The following SLC44A5 variants were observed in gnomAD, a reference collection of about 807,000 sequenced individuals.
SLC44A5 encodes the protein choline transporter-like protein 5.
In SLC44A5, 57 loss-of-function variants were observed where a neutral mutation model predicts 101.8. The ratio of observed to expected loss-of-function variants is 0.56; its 90% confidence interval spans 0.45 to 0.70. SLC44A5 has a LOEUF of 0.70. SLC44A5 is among the 30% of genes least tolerant of loss of function. The pLI is 0.00. For synonymous variants in SLC44A5, 281 were observed against 290.9 expected, an observed-to-expected ratio of 0.97 and a Z score of 0.35; for missense variants, 737 against 853.1, an observed-to-expected ratio of 0.86 and a Z score of 1.70.
the SLC44A5 span, among the ~76,000 whole-genome samples, chr1:75,701,742 G>A: frequency 6.6e-6 from 1 of 152,106 alleles, no homozygotes; most frequent in African/African-American, 2.4e-5. Flanking sequence ...TGACATGATT[G>A]TATATCTAGA....
intron 2 of SLC44A5, among the ~76,000 whole-genome samples, chr1:75,484,672 C>T (rs903095648): frequency 2.6e-4 from 39 of 152,348 alleles, no homozygotes; most frequent in African/African-American, 7.5e-4. Flanking sequence ...TTGCCCTCCC[C>T]TCTGCATTGC....
At chr1:75,445,510 CAATAT>C (rs1162979711) in intron 2 of SLC44A5, among the ~76,000 whole-genome samples, 8 of 63,990 alleles carry the variant, frequency 1.3e-4, no homozygotes, top group East Asian at 1.1e-3. Context: ...ATTATACACA[CAATAT>C]AATATATGTA....
the SLC44A5 span, among the ~76,000 whole-genome samples, chr1:75,662,443 G>A: frequency 1.3e-5 from 2 of 151,930 alleles, no homozygotes; most frequent in Non-Finnish European, 2.9e-5. Context: ...GGGCTCAATA[G>A]CATGATAGAA....
At chr1:75,310,088 T>C (rs1301559508) in intron 4 of SLC44A5, among the ~76,000 whole-genome samples, 1 of 152,222 alleles carries the variant, frequency 6.6e-6, no homozygotes, top group Non-Finnish European at 1.5e-5. Context: ...GAAATTATAA[T>C]CTCCATGTAA....
At chr1:75,530,294 T>C (rs1463670346) in intron 2 of SLC44A5, among the ~76,000 whole-genome samples, 1 of 152,152 alleles carries the variant, frequency 6.6e-6, no homozygotes, top group African/African-American at 2.4e-5. Context: ...AGTATAAAAA[T>C]TCTGCTACCA....
At chr1:75,679,962 C>T in the SLC44A5 span, among the ~76,000 whole-genome samples, 1 of 152,090 alleles carries the variant, frequency 6.6e-6, no homozygotes, top group African/African-American at 2.4e-5. Flanking sequence ...GGGTTGCAAT[C>T]CTAGTCTCTG....
the SLC44A5 span, among the ~76,000 whole-genome samples, chr1:75,636,920 G>C: frequency 5.9e-5 from 9 of 151,906 alleles, no homozygotes; most frequent in East Asian, 1.7e-3. Context: ...GGAAGAACAA[G>C]GCTTATTTGA....
chr1:75,597,776 A>T (rs72973960), intron 1 of SLC44A5, among the ~76,000 whole-genome samples: 15,106 of 152,278 alleles, frequency 0.099, 1,267 homozygotes, highest in African/African-American at 0.23. Flanking sequence ...CTTACACCAC[A>T]TACAAAAATT....
At chr1:75,265,931 G>T (rs1311502595) in intron 6 of SLC44A5, among the ~76,000 whole-genome samples, 1 of 152,130 alleles carries the variant, frequency 6.6e-6, no homozygotes, top group Admixed American at 6.6e-5. Flanking sequence ...AAATCTCAAA[G>T]AAAAGGTCTG....
intron 2 of SLC44A5, among the ~76,000 whole-genome samples, chr1:75,437,483 C>T (rs1664956781): frequency 6.6e-6 from 1 of 152,092 alleles, no homozygotes; most frequent in African/African-American, 2.4e-5. Context: ...TCTATCCTGA[C>T]TTAAAGGACT....
the SLC44A5 span, among the ~76,000 whole-genome samples, chr1:75,693,975 C>T: frequency 1.3e-5 from 2 of 151,238 alleles, no homozygotes; most frequent in Admixed American, 1.3e-4. Flanking sequence ...GGCATTAGGT[C>T]CATACAGTGT....
intron 6 of SLC44A5, among the ~76,000 whole-genome samples, chr1:75,258,834 G>A (rs12065989): frequency 0.063 from 7,054 of 112,296 alleles, 605 homozygotes; most frequent in African/African-American, 0.22. Flanking sequence ...GGAAGGAACA[G>A]GCAGCAATCT....
the SLC44A5 span, among the ~76,000 whole-genome samples, chr1:75,656,102 GAC>G: frequency 6.6e-6 from 1 of 152,106 alleles, no homozygotes; most frequent in Non-Finnish European, 1.5e-5. Context: ...AAAGTGGAAT[GAC>G]ATCTTCAAAG....
intron 2 of SLC44A5, among the ~76,000 whole-genome samples, chr1:75,477,772 C>T (rs1667525893): frequency 6.6e-6 from 1 of 152,162 alleles, no homozygotes; most frequent in Non-Finnish European, 1.5e-5. Context: ...AAATCTACGT[C>T]TGACTGGTGT....
At chr1:75,298,011 T>C (rs1462681482) in intron 5 of SLC44A5, among the ~76,000 whole-genome samples, 1 of 152,220 alleles carries the variant, frequency 6.6e-6, no homozygotes, top group African/African-American at 2.4e-5. Flanking sequence ...AACACTTCTT[T>C]ATGAAAAGAT....
At chr1:75,558,261 C>CTA (rs766596919) in intron 1 of SLC44A5, among the ~76,000 whole-genome samples, 52 of 152,236 alleles carry the variant, frequency 3.4e-4, no homozygotes, top group Non-Finnish European at 5.6e-4. Context: ...AACATACTCT[C>CTA]TAAATTTTTT....
chr1:75,558,335 T>C (rs1253524152), intron 1 of SLC44A5, among the ~76,000 whole-genome samples: 2 of 152,098 alleles, frequency 1.3e-5, no homozygotes, highest in African/African-American at 4.8e-5. Context: ...TTGCCAAAGA[T>C]CAAGTGTGTT....
At chr1:75,499,702 T>C (rs1668853527) in intron 2 of SLC44A5, among the ~76,000 whole-genome samples, 1 of 152,220 alleles carries the variant, frequency 6.6e-6, no homozygotes, top group South Asian at 2.1e-4. Context: ...CTCTTCTTAT[T>C]TCAGGGCAGG....
At chr1:75,399,078 T>C (rs187110334) in intron 2 of SLC44A5, among the ~76,000 whole-genome samples, 1 of 151,858 alleles carries the variant, frequency 6.6e-6, no homozygotes, top group South Asian at 2.1e-4. Context: ...TTCAGGGGGA[T>C]GAGAACTGGT....
Sources: gnomAD v4.1 joint callset for allele counts (sites outside exome capture counted in the v4.1 genomes callset) on GRCh38, gnomAD v4.1.1 for gene constraint, MANE v1.5 for transcripts, NCBI Gene and HGNC (gene_info 2026-07-23, HGNC 2026-07-21) for gene names.